Variants in NEGR1 observed in about 807,000 individuals in gnomAD.
The protein encoded by NEGR1 is IgLON family member 4.
NEGR1 carries 10 observed loss-of-function variants against 40.9 expected under a neutral mutation model. That is an observed-to-expected ratio of 0.24 (90% CI 0.15 to 0.42). The LOEUF (loss-of-function observed/expected upper bound fraction) is 0.42. Ranked by LOEUF, NEGR1 falls within the 10% of genes least tolerant of loss-of-function variation. The pLI is 1.00. For synonymous variants in NEGR1, 185 were observed against 166.8 expected, an observed-to-expected ratio of 1.11 and a Z score of -0.84; for missense variants, 352 against 438.9, an observed-to-expected ratio of 0.80 and a Z score of 1.77.
intron 1 of NEGR1, among the ~76,000 whole-genome samples, chr1:72,210,958 T>C (rs1300526437): frequency 6.6e-6 from 1 of 151,892 alleles, no homozygotes; most frequent in African/African-American, 2.4e-5. Flanking sequence ...ATTACCTTGA[T>C]GGTGGTAATG....
rs148553573 is a variant in NEGR1, at chr1:72,191,533, A to G, written c.176+90786T>C. Among the ~76,000 whole-genome samples, 884 of 151,942 alleles carry G rather than the reference A, an allele frequency of 5.8e-3. 8 individuals carry two copies. Among genetic ancestry groups the G allele is most frequent in the Middle Eastern group, 0.014 (4 of 294 alleles). On this transcript the variant is annotated intron_variant, in intron 1 of 6. Transcript: ENST00000357731. Reference sequence around the variant, plus strand: ...CTAAAATCTTTTCTTAGACTTCAGGATATGTTTCTTATGATAATAAACATC... The same window carrying G: ...CTAAAATCTTTTCTTAGACTTCAGGGTATGTTTCTTATGATAATAAACATC...
chr1:71,612,874 AAAG>A (rs1316996791), intron 4 of NEGR1, among the ~76,000 whole-genome samples: 1 of 152,142 alleles, frequency 6.6e-6, no homozygotes, highest in Non-Finnish European at 1.5e-5. Context: ...ACACAAAGAG[AAAG>A]AAGGAGAGTA....
intron 2 of NEGR1, among the ~76,000 whole-genome samples, chr1:71,790,747 C>T (rs1466119908): frequency 1.3e-5 from 2 of 152,082 alleles, no homozygotes; most frequent in Non-Finnish European, 2.9e-5. Flanking sequence ...AATGGGATTA[C>T]TACACTGAGT....
intron 2 of NEGR1, among the ~76,000 whole-genome samples, chr1:71,870,054 A>AT (rs915915618): frequency 1.3e-5 from 2 of 151,766 alleles, no homozygotes; most frequent in African/African-American, 4.8e-5. Flanking sequence ...TAATTTTTGT[A>AT]TTTTTAGTAG....
At chr1:72,144,615 G>A (rs762366022) in intron 1 of NEGR1, among the ~76,000 whole-genome samples, 3 of 151,928 alleles carry the variant, frequency 2.0e-5, no homozygotes, top group Non-Finnish European at 4.4e-5. Context: ...TTCCTTAAAT[G>A]TCCACCATTT....
At chr1:71,671,167 AT>A (rs1652415588) in intron 4 of NEGR1, among the ~76,000 whole-genome samples, 1 of 152,210 alleles carries the variant, frequency 6.6e-6, no homozygotes, top group South Asian at 2.1e-4. Context: ...ATGGGACAAT[AT>A]GATAGGGAAA....
At chr1:71,955,434 T>G (rs1438708784) in intron 1 of NEGR1, among the ~76,000 whole-genome samples, 1 of 152,104 alleles carries the variant, frequency 6.6e-6, no homozygotes, top group African/African-American at 2.4e-5. Context: ...GGGTTCTGGA[T>G]CCTCTGATAT....
In NEGR1 at chr1:71,898,981, CATATATAT is replaced by C. The variant is rs55674579; in HGVS notation, c.409+36090_409+36097del. ...ATATATAGCATATATATATATATAG[CATATATAT>C]ATATATATATATATATATATATATA... On this transcript the variant is annotated intron_variant, in intron 2 of 6. Coordinates refer to ENST00000357731, the MANE Select transcript of NEGR1 (RefSeq NM_173808.3). Among the ~76,000 whole-genome samples, 110 of 51,294 alleles carry C rather than the reference CATATATAT, an allele frequency of 2.1e-3. 2 individuals are homozygous for C. Among genetic ancestry groups the C allele is most frequent in the East Asian group, 3.0e-3 (4 of 1,330 alleles). The allele number at this position is 51,294 out of a possible 152,430, so 33.7% of individuals were successfully genotyped here.
intron 1 of NEGR1, among the ~76,000 whole-genome samples, chr1:72,084,296 C>T (rs1648124720): frequency 6.6e-6 from 1 of 152,154 alleles, no homozygotes; most frequent in Admixed American, 6.5e-5. Flanking sequence ...ATCACATACC[C>T]TAGGCACAGA....
At chr1:71,577,386 A>T (rs978487623) in intron 6 of NEGR1, among the ~76,000 whole-genome samples, 1 of 152,206 alleles carries the variant, frequency 6.6e-6, no homozygotes, top group Non-Finnish European at 1.5e-5. Context: ...GAAGAAGCCT[A>T]TAACATGGCT....
intron 2 of NEGR1, among the ~76,000 whole-genome samples, chr1:71,875,417 T>C (rs904142186): frequency 6.6e-6 from 1 of 152,172 alleles, no homozygotes; most frequent in Non-Finnish European, 1.5e-5. Flanking sequence ...TAAAAGCAGA[T>C]ATCTGGTCAT....
chr1:71,729,587 A>G (rs1654785902), intron 3 of NEGR1, among the ~76,000 whole-genome samples: 1 of 152,106 alleles, frequency 6.6e-6, no homozygotes, highest in Non-Finnish European at 1.5e-5. Flanking sequence ...AGAGATTTGC[A>G]TTGGTAAATT....
chr1:71,437,193 A>G (rs988904809), intron 6 of NEGR1, among the ~76,000 whole-genome samples: 27 of 152,152 alleles, frequency 1.8e-4, no homozygotes, highest in African/African-American at 6.3e-4. Context: ...TAATGATTTC[A>G]TTTATATGAA....
intron 1 of NEGR1, among the ~76,000 whole-genome samples, chr1:72,154,285 C>T (rs983095043): frequency 1.3e-5 from 2 of 151,864 alleles, no homozygotes; most frequent in African/African-American, 4.8e-5. Flanking sequence ...CAACCGAATT[C>T]ACTAGACATT....
chr1:71,711,341 CAAAAAA>C (rs59376519), intron 3 of NEGR1, among the ~76,000 whole-genome samples: 1 of 58,706 alleles, frequency 1.7e-5, no homozygotes, highest in Non-Finnish European at 3.0e-5. Flanking sequence ...GAGATTCCAC[CAAAAAA>C]AAAAAAAAAA....
At chr1:72,193,964 T>C (rs1007783537) in intron 1 of NEGR1, among the ~76,000 whole-genome samples, 4 of 151,768 alleles carry the variant, frequency 2.6e-5, no homozygotes, top group Non-Finnish European at 5.9e-5. Flanking sequence ...AAATTATTAA[T>C]GATCTTGATC....
At chr1:71,780,721 A>T (rs753102543) in intron 2 of NEGR1, among the ~76,000 whole-genome samples, 2 of 152,212 alleles carry the variant, frequency 1.3e-5, no homozygotes, top group Non-Finnish European at 2.9e-5. Context: ...CTGGTCTTCA[A>T]CTTTTATTTA....
intron 1 of NEGR1, among the ~76,000 whole-genome samples, chr1:72,092,439 C>G (rs1247328997): frequency 6.6e-6 from 1 of 152,046 alleles, no homozygotes; most frequent in African/African-American, 2.4e-5. Flanking sequence ...AGAAATTTAT[C>G]TATTTATTGA....
intron 2 of NEGR1, among the ~76,000 whole-genome samples, chr1:71,784,647 GA>G (rs1656845817): frequency 6.6e-6 from 1 of 152,170 alleles, no homozygotes; most frequent in Non-Finnish European, 1.5e-5. Context: ...GAATTATAGA[GA>G]AACTAAAGTG....
Sources: allele counts gnomAD v4.1 joint callset (sites outside exome capture counted in the v4.1 genomes callset), GRCh38; gene constraint gnomAD v4.1.1; transcripts MANE v1.5; gene names NCBI Gene and HGNC (gene_info 2026-07-23, HGNC 2026-07-21).